CASZ1: variants seen among roughly 807,000 people sequenced by gnomAD.
CASZ1 encodes zinc finger protein castor homolog 1.
In CASZ1, 28 loss-of-function variants were observed where a neutral mutation model predicts 135.2. That is an observed-to-expected ratio of 0.21 (90% CI 0.15 to 0.28). The LOEUF is 0.28. CASZ1 is among the 10% of genes least tolerant of loss of function. CASZ1 has a pLI of 1.00. For missense variants in CASZ1, 2,161 were observed against 2,453.3 expected (o/e 0.88, Z 2.52); for synonymous variants, 1,068 against 1,073.4 (o/e 0.99, Z 0.10).
chr1:10,728,311 G>GC lies in CASZ1; in HGVS notation c.-76-22768dup, dbSNP rs1639633876. On this transcript the variant is annotated intron_variant, in intron 2 of 20. Coordinates refer to ENST00000377022, the MANE Select transcript of CASZ1 (RefSeq NM_001079843.3). ...TAAGGGCCCATGGGACCACCCTCCC[G>GC]CCCCCTCTGTGCCCACAGACAACCA... Among the ~76,000 whole-genome samples the GC allele has an allele frequency of 3.9e-5, 6 of 152,126 alleles. No individual in the cohort carries two copies. In the South Asian group the frequency reaches 1.2e-3, roughly 32 times the overall value.
intron 4 of CASZ1, among the ~76,000 whole-genome samples, chr1:10,686,991 C>G (rs4845946): frequency 0.068 from 10,298 of 152,218 alleles, 485 homozygotes; most frequent in East Asian, 0.14. Context: ...GGGTGACAGA[C>G]AGGGAGGCAC....
At position 10,659,877 on chromosome 1, in the gene CASZ1, C is replaced by G. The variant is rs145422074; in HGVS notation, c.1165G>C (p.Val389Leu). 3.2e-4 allele frequency: 519 copies of G among 1,611,142 alleles called. 6 individuals are homozygous for G. The African/African-American group carries it at 5.5e-3, about 17-fold the overall frequency. Residue 389 changes from valine to leucine, a missense_variant, in exon 6 of 21, where the codon GTT becomes CTT. Physicochemically the swap from Val to Leu is conservative, Grantham distance 32. Around this residue, in one of 7 missense-constraint regions of CASZ1, gnomAD observed 590 missense variants for 609.8 expected, o/e 0.97. Transcript: ENST00000377022. ...GGAGCCAGGCTGGGGGTGGGCGGAA[C>G]CTTGGCGGGGCCTGGCTTCTGGATG... is the stretch of plus-strand genomic sequence containing the variant. ...RGIQKPGPAKVPPTPSLAPAP... is the reference protein window; with the variant it reads ...RGIQKPGPAKLPPTPSLAPAP...
At chr1:10,737,774 C>T (rs1397807697) in intron 2 of CASZ1, among the ~76,000 whole-genome samples, 2 of 152,220 alleles carry the variant, frequency 1.3e-5, no homozygotes, top group African/African-American at 2.4e-5. Flanking sequence ...CCCAAAGGAG[C>T]GACAGTGGGC....
At chr1:10,690,399 T>G (rs973761337) in intron 4 of CASZ1, among the ~76,000 whole-genome samples, 1 of 152,176 alleles carries the variant, frequency 6.6e-6, no homozygotes, top group East Asian at 1.9e-4. Flanking sequence ...CTAGAAGAAG[T>G]CTGCGGCCTA....
chr1:10,711,604 AAAAC>A lies in CASZ1; in HGVS notation c.-76-6064_-76-6061del, dbSNP rs1229263383. Among the ~76,000 whole-genome samples the A allele has an allele frequency of 6.6e-6, 1 of 152,152 alleles. No homozygotes were observed. The highest frequency in any genetic ancestry group is 1.5e-5 in the Non-Finnish European group (1 of 68,028). On this transcript the variant is annotated intron_variant, in intron 2 of 20. Coordinates refer to ENST00000377022, the MANE Select transcript of CASZ1 (RefSeq NM_001079843.3). The surrounding 1 kb of genome is among the most constrained non-coding windows in gnomAD (Gnocchi z 4.4). ...GGTACTCAAAAAAAAAAAAAAAAGAAAAACAAACAAAACCTTGTGCATGAATGTT... is the reference window on the plus strand; with the variant it reads ...GGTACTCAAAAAAAAAAAAAAAAGAAAAACAAAACCTTGTGCATGAATGTT...
In CASZ1 at chr1:10,721,069, A is replaced by G. The variant is rs1317740671; in HGVS notation, c.-76-15525T>C. 6.6e-6 allele frequency among the ~76,000 whole-genome samples: 1 copy of G among 152,162 alleles called. No homozygotes were observed. The highest frequency in any genetic ancestry group is 1.5e-5 in the Non-Finnish European group (1 of 68,028). On this transcript the variant is annotated intron_variant, in intron 2 of 20. Transcript: ENST00000377022. The surrounding 1 kb of genome is among the most constrained non-coding windows in gnomAD (Gnocchi z 5.4). ...ACTCTGGTGGGGGTCCCTTTTGTAC[A>G]GGAGCCAAGCTGGGCTCCTGGGCCT...
chr1:10,788,315 T>G lies in CASZ1; in HGVS notation c.-234+8249A>C, dbSNP rs969053078. On this transcript the variant is annotated intron_variant, in intron 1 of 20. Coordinates refer to ENST00000377022, the MANE Select transcript of CASZ1 (RefSeq NM_001079843.3). This position sits in a 1 kb window ranked among gnomAD's most constrained non-coding sequence, Gnocchi z 4.1. ...CCTGGGTGACAGTTTGACAGCACTC[T>G]CCTCTCCCAGTGCAGAGGCAGGCAG... Among the ~76,000 whole-genome samples the G allele has an allele frequency of 3.9e-5, 6 of 152,062 alleles. No individual in the cohort carries two copies. The highest frequency in any genetic ancestry group is 7.2e-5 in the African/African-American group (3 of 41,396).
chr1:10,779,562 A>T (rs372143704), intron 1 of CASZ1, among the ~76,000 whole-genome samples: 1 of 152,118 alleles, frequency 6.6e-6, no homozygotes, highest in Admixed American at 6.5e-5. Flanking sequence ...TAGGGGGGGA[A>T]TTTAAATAAA....
At chr1:10,770,092 T>G (rs1640548327) in intron 1 of CASZ1, among the ~76,000 whole-genome samples, 2 of 152,196 alleles carry the variant, frequency 1.3e-5, no homozygotes, top group South Asian at 4.1e-4. Context: ...TTTTCTTTTC[T>G]TTCTTTTTTT....
In CASZ1 at chr1:10,774,258, T is replaced by C. The variant is rs906146360; in HGVS notation, c.-233-13401A>G. ...GGATACACACGGTATATCTCCTGAC[T>C]CTCGGAGAATCGGGAACCATTTCAA... On this transcript the variant is annotated intron_variant, in intron 1 of 20. Transcript: ENST00000377022. This position sits in a 1 kb window ranked among gnomAD's most constrained non-coding sequence, Gnocchi z 4.4. Among the ~76,000 whole-genome samples the C allele has an allele frequency of 1.3e-5, 2 of 152,112 alleles. No individual in the cohort carries two copies. Among genetic ancestry groups the C allele is most frequent in the African/African-American group, 4.8e-5 (2 of 41,408 alleles).
In CASZ1 at chr1:10,759,633, G is replaced by A. The variant is rs542036957; in HGVS notation, c.-77+1068C>T. 2.6e-5 allele frequency among the ~76,000 whole-genome samples: 4 copies of A among 152,282 alleles called. No individual in the cohort carries two copies. The East Asian group carries it at 5.8e-4, about 22-fold the overall frequency. ...TCAGGGACCTACCAAACCCCAGTGC[G>A]CACCAAGGCTCCCGTCTCTGCAAGC... On this transcript the variant is annotated intron_variant, in intron 2 of 20. Coordinates refer to ENST00000377022, the MANE Select transcript of CASZ1 (RefSeq NM_001079843.3). This position sits in a 1 kb window ranked among gnomAD's most constrained non-coding sequence, Gnocchi z 4.2.
intron 2 of CASZ1, among the ~76,000 whole-genome samples, chr1:10,760,371 A>T (rs1377037672): frequency 6.6e-6 from 1 of 152,252 alleles, no homozygotes; most frequent in Non-Finnish European, 1.5e-5. Flanking sequence ...GTTCAATGTC[A>T]TACCATAGAA....
intron 4 of CASZ1, among the ~76,000 whole-genome samples, chr1:10,671,715 C>T (rs917483798): frequency 1.3e-5 from 2 of 152,216 alleles, no homozygotes; most frequent in Non-Finnish European, 2.9e-5. Flanking sequence ...AAGCTGTGGG[C>T]CACCGCAGCG....
In CASZ1 at chr1:10,737,911, G is replaced by T. The variant is rs570952902; in HGVS notation, c.-77+22790C>A. ...CCTGTGGGGCGCTGGGTGCAGTCAG[G>T]CAGTGATGCTGGGGACACAAGCTCA... On this transcript the variant is annotated intron_variant, in intron 2 of 20. Coordinates refer to ENST00000377022, the MANE Select transcript of CASZ1 (RefSeq NM_001079843.3). Among the ~76,000 whole-genome samples the T allele has an allele frequency of 1.6e-4, 25 of 152,362 alleles. 1 individual carries two copies. The South Asian group carries it at 5.0e-3, about 30-fold the overall frequency.
In CASZ1 at chr1:10,642,862, C is replaced by T. The variant is rs1642251398; in HGVS notation, c.4159G>A (p.Ala1387Thr). ...GCAGCCCCTGCCTGCCGCTCACCTGCCGCGGTGCTCTCGTTACCCACGGGG... is the reference window on the plus strand; with the variant it reads ...GCAGCCCCTGCCTGCCGCTCACCTGTCGCGGTGCTCTCGTTACCCACGGGG... ...STPVGNESTA[A>T]GNTISMPTAS... Residue 1387 changes from alanine (A) to threonine (T), a missense_variant, in exon 20 of 21, where the codon GCA becomes ACA. Physicochemically the swap from Ala to Thr is moderately conservative, Grantham distance 58 (BLOSUM62 0). This residue lies in a region of CASZ1 where 143 missense variants were observed against 128.3 expected (regional missense o/e 1.11). Transcript: ENST00000377022. 6.2e-7 allele frequency: 1 copy of T among 1,612,314 alleles called. No individual in the cohort carries two copies. The highest frequency in any genetic ancestry group is 8.5e-7 in the Non-Finnish European group (1 of 1,179,602).
intron 18 of CASZ1, among the ~76,000 whole-genome samples, chr1:10,643,761 G>A (rs1256545373): frequency 2.0e-5 from 3 of 152,346 alleles, no homozygotes; most frequent in South Asian, 2.1e-4. Flanking sequence ...CAGAGCAGGC[G>A]GGACTGAAAC....
chr1:10,738,309 C>T (rs1424226159), intron 2 of CASZ1, among the ~76,000 whole-genome samples: 1 of 152,174 alleles, frequency 6.6e-6, no homozygotes, highest in East Asian at 1.9e-4. Context: ...TGTCTCAGTC[C>T]CGGGACGCTG....
At position 10,744,345 on chromosome 1, in the gene CASZ1, G is replaced by A. The variant is rs180729905; in HGVS notation, c.-77+16356C>T. Among the ~76,000 whole-genome samples the A allele has an allele frequency of 5.0e-3, 759 of 151,648 alleles. 7 individuals carry two copies. Among genetic ancestry groups the A allele is most frequent in the Admixed American group, 8.9e-3 (135 of 15,198 alleles). On this transcript the variant is annotated intron_variant, in intron 2 of 20. Coordinates refer to ENST00000377022, the MANE Select transcript of CASZ1 (RefSeq NM_001079843.3). ...GGGGGCATTAGCAGAAGAGAGACAC[G>A]GCACCACGAGCAGGCATGTCCTGGG...
intron 2 of CASZ1, among the ~76,000 whole-genome samples, chr1:10,750,794 G>T (rs1557550485): frequency 6.6e-6 from 1 of 152,126 alleles, no homozygotes; most frequent in Non-Finnish European, 1.5e-5. Flanking sequence ...AGCTACTCAG[G>T]AGGCTGAAGC....
Sources: allele counts gnomAD v4.1 joint callset (sites outside exome capture counted in the v4.1 genomes callset), GRCh38; gene constraint gnomAD v4.1.1; regional missense constraint gnomAD v4.1.1; non-coding constraint Gnocchi (gnomAD v3.1); transcripts MANE v1.5; gene names NCBI Gene and HGNC (gene_info 2026-07-23, HGNC 2026-07-21).